Variants in LIPE observed in about 807,000 individuals in gnomAD.
LIPE encodes hormone-sensitive lipase.
In LIPE, 66 loss-of-function variants were observed where a neutral mutation model predicts 88.5. That is an observed-to-expected ratio of 0.75 (90% CI 0.61 to 0.91). The LOEUF (loss-of-function observed/expected upper bound fraction) is 0.91, where lower values mean the gene tolerates loss of function less well. Ranked by LOEUF, LIPE falls within the 40% of genes least tolerant of loss-of-function variation. LIPE has a pLI of 0.00. For synonymous variants in LIPE, 570 were observed against 617.5 expected, an observed-to-expected ratio of 0.92 and a Z score of 1.14; for missense variants, 1,346 against 1,434.7, an observed-to-expected ratio of 0.94 and a Z score of 1.00.
chr19:42,408,203 G>C lies in LIPE; in HGVS notation c.1510+29C>G. On this transcript the variant is annotated intron_variant, in intron 3 of 9. Coordinates refer to ENST00000244289, the MANE Select transcript of LIPE (RefSeq NM_005357.4). This position sits in a 1 kb window ranked among gnomAD's most constrained non-coding sequence, Gnocchi z 4.3. ...GTGGGGAGGAGGGCCAAGAGAGTAG[G>C]CTGCGAGTAGAACCTGGCTGGGACT... The C allele has an allele frequency of 6.2e-7, 1 of 1,613,676 alleles. No individual in the cohort carries two copies. Among genetic ancestry groups the C allele is most frequent in the Non-Finnish European group, 8.5e-7 (1 of 1,179,638 alleles).
At chr19:42,415,469 A>G (rs902460550) in intron 1 of LIPE, among the ~76,000 whole-genome samples, 3 of 152,190 alleles carry the variant, frequency 2.0e-5, no homozygotes, top group Non-Finnish European at 4.4e-5. Flanking sequence ...AAAATTCATG[A>G]AAGTAATTAA....
At position 42,410,892 on chromosome 19, in the gene LIPE, T is replaced by A; in HGVS notation, c.884-50A>T. ...TAGGTGGGGCTGGATCAAGCCTTGC[T>A]TAGCTGGGGCCCAGGAGTCTGGGCC... On this transcript the variant is annotated intron_variant, in intron 1 of 9. Coordinates refer to ENST00000244289, the MANE Select transcript of LIPE (RefSeq NM_005357.4). The surrounding 1 kb of genome is among the most constrained non-coding windows in gnomAD (Gnocchi z 6.1). 6.7e-7 allele frequency: 1 copy of A among 1,494,442 alleles called. No homozygotes were observed. 92.6% of individuals were successfully genotyped at this position (1,494,442 alleles called of 1,614,324 possible). A position where few individuals can be genotyped will look rare whatever the true frequency, so the allele number is the denominator to read the frequency against.
chr19:42,407,867 C>T lies in LIPE; in HGVS notation c.1657-76G>A, dbSNP rs748087263. ...GCCCTTCACCTCTCCCTCTGATCCC[C>T]AGTCTTTCCCCTTGTGTGCCATCCC... On this transcript the variant is annotated intron_variant, in intron 4 of 9. Transcript: ENST00000244289. The surrounding 1 kb of genome is among the most constrained non-coding windows in gnomAD (Gnocchi z 5.8). 22 of 1,553,472 alleles carry T rather than the reference C, an allele frequency of 1.4e-5. No individual in the cohort carries two copies. The highest frequency in any genetic ancestry group is 1.8e-5 in the Non-Finnish European group (21 of 1,150,408).
intron 1 of LIPE, chr19:42,423,795 T>C: frequency 1.1e-5 from 12 of 1,102,214 alleles, no homozygotes; most frequent in Non-Finnish European, 1.2e-5. Flanking sequence ...ACCCCGGGGG[T>C]GGCGAAAAGC....
chr19:42,426,237 A>G (rs760396349), intron 1 of LIPE, 30 bp downstream of exon 1: 4 of 1,574,018 alleles, frequency 2.5e-6, no homozygotes, highest in Non-Finnish European at 3.5e-6. Context: ...TGTCCCTGAG[A>G]GGCTTCAATT....
rs1325334080 is a variant in LIPE at position 42,408,359 on chromosome 19, G to A, written c.1420-37C>T. 1.3e-6 allele frequency: 2 copies of A among 1,534,296 alleles called. No homozygotes were observed. The highest frequency in any genetic ancestry group is 1.8e-6 in the Non-Finnish European group (2 of 1,107,840). ...CGCGGCTGCGTCACCCACCGCTCAA[G>A]AGAGGGATGGGGACAGGGCAGGAGC... On this transcript the variant is annotated intron_variant, in intron 2 of 9. Coordinates refer to ENST00000244289, the MANE Select transcript of LIPE (RefSeq NM_005357.4). The surrounding 1 kb of genome is among the most constrained non-coding windows in gnomAD (Gnocchi z 4.3).
At chr19:42,424,218 G>T in intron 1 of LIPE, 1 of 833,272 alleles carries the variant, frequency 1.2e-6, no homozygotes, top group Non-Finnish European at 1.7e-6. Flanking sequence ...GGGGATGGTG[G>T]TAGGAGAACG....
Position 42,410,319 on chromosome 19 carries a change from G to T in LIPE, c.1407C>A (p.Cys469Ter). 1 of 1,585,308 alleles carries T rather than the reference G, an allele frequency of 6.3e-7. No individual in the cohort carries two copies. Residue 469 changes from cysteine to a stop codon, truncating the protein, a stop_gained, in exon 2 of 10, where the codon TGC (cysteine) becomes TGA (stop). Transcript: ENST00000244289. LOFTEE classifies it high-confidence loss of function. This position sits in a 1 kb window ranked among gnomAD's most constrained non-coding sequence, Gnocchi z 6.1. ...GCAGGGGGCTCACCTGGAAGCCCAGGCAGCGGCCATAGAAGCATCCCTTAT... is the reference window on the plus strand; with the variant it reads ...GCAGGGGGCTCACCTGGAAGCCCAGTCAGCGGCCATAGAAGCATCCCTTAT... Reference protein sequence around the residue: ...TLHKGCFYGRCLGFQFTPAIR... With the variant: ...TLHKGCFYGR
Position 42,406,753 on chromosome 19 carries a change from C to T in LIPE, c.2138-365G>A, listed in dbSNP as rs1600112693. ...GGAAGGTCAGGGTTCAGGGTCAGTA[C>T]AGAGGGGCTGGGCTGCAAGCTCTGT... On this transcript the variant is annotated intron_variant, in intron 6 of 9. Transcript: ENST00000244289. This position sits in a 1 kb window ranked among gnomAD's most constrained non-coding sequence, Gnocchi z 5.7. Among the ~76,000 whole-genome samples the T allele has an allele frequency of 6.6e-6, 1 of 152,172 alleles. No individual in the cohort carries two copies. Among genetic ancestry groups the T allele is most frequent in the East Asian group, 1.9e-4 (1 of 5,184 alleles).
rs571573615 is a variant in LIPE, at chr19:42,415,204, C to T, written c.884-4362G>A. 5.3e-5 allele frequency among the ~76,000 whole-genome samples: 8 copies of T among 151,976 alleles called. No individual in the cohort carries two copies. In the East Asian group the frequency reaches 1.6e-3, roughly 29 times the overall value. ...CCAAGATCACACCATTGTACTCCAGCCTGGAAAATAGAGCGAGAGTCTGTC... is the reference window on the plus strand; with the variant it reads ...CCAAGATCACACCATTGTACTCCAGTCTGGAAAATAGAGCGAGAGTCTGTC... On this transcript the variant is annotated intron_variant, in intron 1 of 9. Coordinates refer to ENST00000244289, the MANE Select transcript of LIPE (RefSeq NM_005357.4).
chr19:42,410,317 A>T lies in LIPE; in HGVS notation c.1409T>A (p.Leu470Gln), dbSNP rs771915646. The change falls in exon 2 of 10, where the codon CTG (leucine) becomes CAG (glutamine). Residue 470 changes from leucine to glutamine, a missense_variant. Coordinates refer to ENST00000244289, the MANE Select transcript of LIPE (RefSeq NM_005357.4). The surrounding 1 kb of genome is among the most constrained non-coding windows in gnomAD (Gnocchi z 6.1). ...LHKGCFYGRC[L>Q]GFQFTPAIRP... ...GGGCAGGGGGCTCACCTGGAAGCCC[A>T]GGCAGCGGCCATAGAAGCATCCCTT... 6.3e-7 allele frequency: 1 copy of T among 1,583,108 alleles called. No homozygotes were observed. Among genetic ancestry groups the T allele is most frequent in the East Asian group, 2.3e-5 (1 of 42,742 alleles).
intron 8 of LIPE, among the ~76,000 whole-genome samples, chr19:42,403,241 A>ATGTGTGTG (rs56983822): frequency 2.1e-4 from 19 of 92,002 alleles, no homozygotes; most frequent in East Asian, 7.3e-4. Flanking sequence ...CTAGTGAAGG[A>ATGTGTGTG]TGTGTGTGTG....
chr19:42,406,091 C>T lies in LIPE; in HGVS notation c.2365+70G>A. On this transcript the variant is annotated intron_variant, in intron 7 of 9. Transcript: ENST00000244289. The surrounding 1 kb of genome is among the most constrained non-coding windows in gnomAD (Gnocchi z 5.7). Reference sequence around the variant, plus strand: ...CTTCCTCAGTCACAGGAGTCCTGGTCCCCAGCCCGTCCCTGCAGGAGTCAG... The same window carrying T: ...CTTCCTCAGTCACAGGAGTCCTGGTTCCCAGCCCGTCCCTGCAGGAGTCAG... The T allele has an allele frequency of 7.2e-7, 1 of 1,384,454 alleles. No individual in the cohort carries two copies. Among genetic ancestry groups the T allele is most frequent in the South Asian group, 1.3e-5 (1 of 77,200 alleles). The allele number at this position is 1,384,454 out of a possible 1,614,324, so 85.8% of individuals were successfully genotyped here. A position where few individuals can be genotyped will look rare whatever the true frequency, so the allele number is the denominator to read the frequency against.
intron 7 of LIPE, chr19:42,405,913 T>C (rs2040155619): frequency 1.8e-6 from 1 of 564,476 alleles, no homozygotes; most frequent in East Asian, 2.9e-5. Flanking sequence ...TGAGGTGTGT[T>C]TGAGCCACTG....
chr19:42,413,404 G>A (rs1034920513), intron 1 of LIPE, among the ~76,000 whole-genome samples: 4 of 152,226 alleles, frequency 2.6e-5, no homozygotes, highest in Admixed American at 6.5e-5. Flanking sequence ...GGTGGCTCAC[G>A]CCTGTAATCC....
intron 1 of LIPE, among the ~76,000 whole-genome samples, chr19:42,415,677 G>T (rs2147648809): frequency 6.6e-6 from 1 of 152,252 alleles, no homozygotes; most frequent in African/African-American, 2.4e-5. Context: ...GGGCGTGGTG[G>T]TGGGTGCCTG....
rs373172608 is a variant in LIPE, at chr19:42,408,093, G to A, written c.1539C>T (p.Ser513=). The A allele has an allele frequency of 9.9e-6, 16 of 1,613,798 alleles. No individual in the cohort carries two copies. In the African/African-American group the frequency reaches 1.3e-4, roughly 13 times the overall value. The change falls in exon 4 of 10, where the codon AGC becomes AGT. Residue 513 remains serine (S), a synonymous_variant. Transcript: ENST00000244289. The surrounding 1 kb of genome is among the most constrained non-coding windows in gnomAD (Gnocchi z 4.3). ...LSVAASSLFT[S]GRFAIDPELR... ...GCTCGGGGTCGATGGCAAAGCGGCCGCTGGTGAAGAGAGAGCTGGCGGCCA... is the reference window on the plus strand; with the variant it reads ...GCTCGGGGTCGATGGCAAAGCGGCCACTGGTGAAGAGAGAGCTGGCGGCCA...
intron 1 of LIPE, among the ~76,000 whole-genome samples, chr19:42,417,437 T>C (rs1276960066): frequency 1.3e-5 from 2 of 151,744 alleles, no homozygotes; most frequent in South Asian, 2.1e-4. Context: ...TTTTTTTTTT[T>C]CCAGGTTTTT....
Position 42,401,880 on chromosome 19 carries a change from C to G in LIPE, c.3163G>C (p.Ala1055Pro). 6.5e-7 allele frequency: 1 copy of G among 1,536,040 alleles called. No homozygotes were observed. Among genetic ancestry groups the G allele is most frequent in the Non-Finnish European group, 8.7e-7 (1 of 1,146,936 alleles). The change falls in exon 10 of 10, where the codon GCC becomes CCC. Residue 1055 changes from alanine to proline, a missense_variant. Physicochemically the swap from Ala to Pro is conservative, Grantham distance 27 (BLOSUM62 -1). Coordinates refer to ENST00000244289, the MANE Select transcript of LIPE (RefSeq NM_005357.4). The part of the protein sequence containing the change: ...ERIRLVLTPP[A>P]GAGPSGETGA... ...GTCTCCCCGCTCGGCCCGGCTCCGG[C>G]GGGAGGAGTGAGGACGAGGCGGATG...
Sources: gnomAD v4.1 joint callset for allele counts (sites outside exome capture counted in the v4.1 genomes callset) on GRCh38, gnomAD v4.1.1 for gene constraint, Gnocchi (gnomAD v3.1) non-coding constraint, MANE v1.5 for transcripts, NCBI Gene and HGNC (gene_info 2026-07-23, HGNC 2026-07-21) for gene names.